WSCD2: variants seen among roughly 807,000 people sequenced by gnomAD.
The protein encoded by WSCD2 is sialate:O-sulfotransferase 2.
Under a neutral mutation model 55.7 loss-of-function variants are expected in WSCD2, and 28 were observed. The ratio of observed to expected loss-of-function variants is 0.50; its 90% CI spans 0.37 to 0.69. WSCD2 has a LOEUF of 0.69. Ranked by LOEUF, WSCD2 falls within the 30% of genes least tolerant of loss-of-function variation. WSCD2 has a pLI of 0.00. For synonymous variants in WSCD2, 301 were observed against 301.9 expected, an observed-to-expected ratio of 1.00 and a Z score of 0.03; for missense variants, 616 against 762.1, an observed-to-expected ratio of 0.81 and a Z score of 2.26.
At position 108,206,462 on chromosome 12, in the gene WSCD2, C is replaced by G. The variant is rs1381200262; in HGVS notation, c.497+59C>G. ...AGGCCCTTCCTTCTCAGATTCCCACCTGTGGTATTCTTTGCCCTGCTATGG... is the reference window on the plus strand; with the variant it reads ...AGGCCCTTCCTTCTCAGATTCCCACGTGTGGTATTCTTTGCCCTGCTATGG... On this transcript the variant is annotated intron_variant, in intron 3 of 8. Transcript: ENST00000547525. 3.9e-6 allele frequency: 6 copies of G among 1,522,406 alleles called. No homozygotes were observed. In the Admixed American group the frequency reaches 1.0e-4, roughly 26 times the overall value. The allele number at this position is 1,522,406 out of a possible 1,614,324, so 94.3% of individuals were successfully genotyped here. A position where few individuals can be genotyped will look rare whatever the true frequency, so the allele number is the denominator to read the frequency against.
intron 1 of WSCD2, among the ~76,000 whole-genome samples, chr12:108,173,668 C>T (rs929444870): frequency 6.6e-6 from 1 of 152,072 alleles, no homozygotes; most frequent in Non-Finnish European, 1.5e-5. Flanking sequence ...GGTCAGCATC[C>T]TTCTGACTCC....
chr12:108,201,849 A>T (rs543745123), intron 2 of WSCD2, among the ~76,000 whole-genome samples: 1 of 152,056 alleles, frequency 6.6e-6, no homozygotes, highest in Non-Finnish European at 1.5e-5. Context: ...GTAAAGGAGG[A>T]AAAAAAACTG....
chr12:108,160,149 A>C (rs181487895), intron 1 of WSCD2, among the ~76,000 whole-genome samples: 5 of 152,162 alleles, frequency 3.3e-5, no homozygotes, highest in Non-Finnish European at 7.3e-5. Context: ...TCAAGACCCA[A>C]CGTGAAAATG....
chr12:108,231,946 C>T (rs77903640), intron 6 of WSCD2, among the ~76,000 whole-genome samples: 228 of 152,148 alleles, frequency 1.5e-3, no homozygotes, highest in African/African-American at 2.5e-3. Flanking sequence ...GAAGGACAGA[C>T]GGATAGACAG....
At chr12:108,186,022 C>G (rs1882443702) in intron 1 of WSCD2, among the ~76,000 whole-genome samples, 1 of 152,154 alleles carries the variant, frequency 6.6e-6, no homozygotes, top group African/African-American at 2.4e-5. Context: ...CCTTGGGTCC[C>G]TTTCATCAAA....
chr12:108,174,691 T>C lies in WSCD2; in HGVS notation c.-551-20591T>C, dbSNP rs116278895. On this transcript the variant is annotated intron_variant, in intron 1 of 8. Coordinates refer to ENST00000547525, the MANE Select transcript of WSCD2 (RefSeq NM_014653.4). Reference sequence around the variant, plus strand: ...GTGCAGTGGCACAAGCATAGCTCACTGCAGCCTCAAACTTCTGGGCTCAAA... The same window carrying C: ...GTGCAGTGGCACAAGCATAGCTCACCGCAGCCTCAAACTTCTGGGCTCAAA... Among the ~76,000 whole-genome samples the C allele has an allele frequency of 6.1e-3, 925 of 152,360 alleles. 8 individuals are homozygous for C. The highest frequency in any genetic ancestry group is 0.021 in the African/African-American group (876 of 41,574).
intron 1 of WSCD2, among the ~76,000 whole-genome samples, chr12:108,142,795 T>TTC (rs749291192): frequency 3.5e-4 from 53 of 151,530 alleles, no homozygotes; most frequent in East Asian, 5.8e-4. Flanking sequence ...TTCTCCTTCC[T>TTC]TCTCTCTCTC....
At chr12:108,185,254 G>A (rs1375770616) in intron 1 of WSCD2, among the ~76,000 whole-genome samples, 1 of 152,172 alleles carries the variant, frequency 6.6e-6, no homozygotes, top group African/African-American at 2.4e-5. Flanking sequence ...CACTGGGACA[G>A]GAATGTCCTC....
At chr12:108,148,073 C>T (rs1267115874) in intron 1 of WSCD2, among the ~76,000 whole-genome samples, 1 of 152,154 alleles carries the variant, frequency 6.6e-6, no homozygotes, top group Non-Finnish European at 1.5e-5. Flanking sequence ...TGTGTCTTCC[C>T]TCTAGAACAG....
At chr12:108,153,613 A>G (rs1483997278) in intron 1 of WSCD2, among the ~76,000 whole-genome samples, 2 of 152,242 alleles carry the variant, frequency 1.3e-5, no homozygotes, top group African/African-American at 4.8e-5. Context: ...CTGAAAAGGC[A>G]AAGTGCAGAA....
intron 1 of WSCD2, among the ~76,000 whole-genome samples, chr12:108,130,716 G>A (rs1312398654): frequency 6.6e-6 from 1 of 152,048 alleles, no homozygotes. Context: ...AAAAATAGGG[G>A]AAGTTTCCTG....
intron 4 of WSCD2, among the ~76,000 whole-genome samples, chr12:108,214,875 C>T (rs545078082): frequency 1.3e-5 from 2 of 152,128 alleles, no homozygotes; most frequent in African/African-American, 4.8e-5. Context: ...TTTTTGTGTA[C>T]TGTTGTTAAT....
chr12:108,232,761 C>T lies in WSCD2; in HGVS notation c.1010C>T (p.Pro337Leu), dbSNP rs552961782. Residue 337 changes from proline (P) to leucine (L), a missense_variant, in exon 7 of 9, where the codon CCA becomes CTA. Transcript: ENST00000547525. ...CGTTGCATGGACAGAAGGTTCCTGCCAGGCAAGTCCAAGCAGCTCATTGCT... is the reference window on the plus strand; with the variant it reads ...CGTTGCATGGACAGAAGGTTCCTGCTAGGCAAGTCCAAGCAGCTCATTGCT... ...DNRCMDRRFLPGKSKQLIALA... is the reference protein window; with the variant it reads ...DNRCMDRRFLLGKSKQLIALA... 6.2e-7 allele frequency: 1 copy of T among 1,613,660 alleles called. No homozygotes were observed. The highest frequency in any genetic ancestry group is 8.5e-7 in the Non-Finnish European group (1 of 1,179,874).
chr12:108,185,535 G>A (rs1882367127), intron 1 of WSCD2, among the ~76,000 whole-genome samples: 1 of 152,078 alleles, frequency 6.6e-6, no homozygotes, highest in Non-Finnish European at 1.5e-5. Flanking sequence ...CTCCATGCTA[G>A]GACTTTCCAA....
chr12:108,133,538 AC>A (rs1324493882), intron 1 of WSCD2, among the ~76,000 whole-genome samples: 1 of 152,076 alleles, frequency 6.6e-6, no homozygotes, highest in Non-Finnish European at 1.5e-5. Context: ...GTGTGAACAT[AC>A]CTGTGAGCTT....
chr12:108,237,979 C>A (rs1889401522), intron 7 of WSCD2, among the ~76,000 whole-genome samples: 1 of 152,046 alleles, frequency 6.6e-6, no homozygotes, highest in African/African-American at 2.4e-5. Context: ...TCTGGTATAC[C>A]CCCTGCCTGT....
chr12:108,213,763 C>A (rs1483748009), intron 4 of WSCD2, among the ~76,000 whole-genome samples: 11 of 152,218 alleles, frequency 7.2e-5, no homozygotes, highest in Admixed American at 7.2e-4. Context: ...CTCTTAGGGA[C>A]TGACCATGGG....
At chr12:108,212,495 C>T (rs1273978720) in intron 4 of WSCD2, among the ~76,000 whole-genome samples, 3 of 151,906 alleles carry the variant, frequency 2.0e-5, no homozygotes, top group African/African-American at 7.3e-5. Context: ...ATCTCTTTCT[C>T]TCCTCTCTCC....
intron 1 of WSCD2, among the ~76,000 whole-genome samples, chr12:108,169,776 G>A (rs963187559): frequency 2.0e-5 from 3 of 152,166 alleles, no homozygotes; most frequent in African/African-American, 4.8e-5. Flanking sequence ...TCAGAGAGAG[G>A]CTACCTCCCT....
Sources: gnomAD v4.1 joint callset for allele counts (sites outside exome capture counted in the v4.1 genomes callset) on GRCh38, gnomAD v4.1.1 for gene constraint, MANE v1.5 for transcripts, NCBI Gene and HGNC (gene_info 2026-07-23, HGNC 2026-07-21) for gene names.